The following GALNTL6 variants were observed in gnomAD, a reference collection of about 807,000 sequenced individuals.
The protein encoded by GALNTL6 is polypeptide N-acetylgalactosaminyltransferase like 6, also known as polypeptide N-acetylgalactosaminyltransferase-like 6.
Under a neutral mutation model 73.7 loss-of-function variants are expected in GALNTL6, and 46 were observed. That is an observed-to-expected ratio of 0.62 (90% CI 0.49 to 0.80). The LOEUF (loss-of-function observed/expected upper bound fraction) is 0.80, where lower values mean the gene tolerates loss of function less well. Among genes scored for constraint, GALNTL6 ranks in the 30% least tolerant of loss-of-function variants. GALNTL6 has a pLI of 0.00. For missense variants in GALNTL6, 604 were observed against 755.0 expected (o/e 0.80, Z 2.34); for synonymous variants, 259 against 263.7 (o/e 0.98, Z 0.17).
In GALNTL6 at chr4:172,088,327, A is replaced by G. The variant is rs570260783; in HGVS notation, c.139-141329A>G. Among the ~76,000 whole-genome samples the G allele has an allele frequency of 1.6e-4, 25 of 152,272 alleles. No individual in the cohort carries two copies. In the South Asian group the frequency reaches 5.2e-3, roughly 32 times the overall value. On this transcript the variant is annotated intron_variant, in intron 2 of 12. Coordinates refer to ENST00000506823, the MANE Select transcript of GALNTL6 (RefSeq NM_001034845.3). ...CATATTTATTACATGTGTAGGGGTGAAGGTTCACTGAAACTGAATAGACAA... is the reference window on the plus strand; with the variant it reads ...CATATTTATTACATGTGTAGGGGTGGAGGTTCACTGAAACTGAATAGACAA...
rs148182116 is a variant in GALNTL6 at position 173,016,458 on chromosome 4, C to T, written c.1489-5018C>T. Among the ~76,000 whole-genome samples the T allele has an allele frequency of 3.3e-3, 505 of 152,330 alleles. 3 individuals carry two copies. The highest frequency in any genetic ancestry group is 0.011 in the African/African-American group (455 of 41,582). Reference sequence around the variant, plus strand: ...TGTCCAAGGCCATGGAAGCCCACTTCTTGCATCAGCATAACCTGGATGTGA... The same window carrying T: ...TGTCCAAGGCCATGGAAGCCCACTTTTTGCATCAGCATAACCTGGATGTGA... On this transcript the variant is annotated intron_variant, in intron 11 of 12. Coordinates refer to ENST00000506823, the MANE Select transcript of GALNTL6 (RefSeq NM_001034845.3).
intron 2 of GALNTL6, among the ~76,000 whole-genome samples, chr4:172,117,864 G>GA (rs902809859): frequency 7.9e-5 from 12 of 151,892 alleles, no homozygotes; most frequent in African/African-American, 1.2e-4. Context: ...AAACTAAAAT[G>GA]AAAAAAACAA....
intron 2 of GALNTL6, among the ~76,000 whole-genome samples, chr4:172,176,046 A>T (rs1391297641): frequency 1.3e-5 from 2 of 152,208 alleles, no homozygotes; most frequent in African/African-American, 4.8e-5. Context: ...AGGACAAATA[A>T]GAGTGTATTC....
intron 2 of GALNTL6, among the ~76,000 whole-genome samples, chr4:172,225,868 T>C (rs953433698): frequency 6.6e-6 from 1 of 152,184 alleles, no homozygotes; most frequent in Non-Finnish European, 1.5e-5. Flanking sequence ...TGATACAGAT[T>C]AAAAAGTTAT....
chr4:172,217,313 G>T (rs907271287), intron 2 of GALNTL6, among the ~76,000 whole-genome samples: 2 of 152,172 alleles, frequency 1.3e-5, no homozygotes, highest in African/African-American at 4.8e-5. Context: ...ATAATGTTAC[G>T]CAGGAGTCAC....
chr4:172,302,312 T>C (rs2626623), intron 3 of GALNTL6, among the ~76,000 whole-genome samples: 150,944 of 152,234 alleles, frequency 0.99, 74,846 homozygotes, highest in Middle Eastern at 1. Context: ...ACCCCTTGAA[T>C]TTCCTGGGTG....
intron 5 of GALNTL6, among the ~76,000 whole-genome samples, chr4:172,676,759 C>T (rs977621391): frequency 1.3e-5 from 2 of 152,128 alleles, no homozygotes; most frequent in East Asian, 1.9e-4. Context: ...AGTCACTTTC[C>T]GATTTCTCCT....
intron 11 of GALNTL6, among the ~76,000 whole-genome samples, chr4:173,011,786 T>G (rs1296198623): frequency 1.3e-5 from 2 of 152,228 alleles, no homozygotes; most frequent in African/African-American, 4.8e-5. Flanking sequence ...TTAAGTGAGA[T>G]GTGATTTCTA....
intron 5 of GALNTL6, among the ~76,000 whole-genome samples, chr4:172,794,917 T>C (rs1579491727): frequency 6.6e-6 from 1 of 152,188 alleles, no homozygotes; most frequent in Non-Finnish European, 1.5e-5. Flanking sequence ...TGAAACAAAT[T>C]CCTGCCATTT....
At chr4:172,436,284 T>G (rs1731631963) in intron 5 of GALNTL6, among the ~76,000 whole-genome samples, 1 of 152,132 alleles carries the variant, frequency 6.6e-6, no homozygotes, top group South Asian at 2.1e-4. Context: ...TTTGACATAG[T>G]CAAAACCCTT....
At chr4:172,456,844 A>T (rs574892559) in intron 5 of GALNTL6, among the ~76,000 whole-genome samples, 25 of 152,266 alleles carry the variant, frequency 1.6e-4, no homozygotes, top group Non-Finnish European at 3.2e-4. Context: ...TTCAGGAAAT[A>T]CAGAGAACAC....
rs571617309 is a variant in GALNTL6, at chr4:172,293,456, GT to G, written c.248-18155del. On this transcript the variant is annotated intron_variant, in intron 3 of 12. Transcript: ENST00000506823. ...GACTCAATACAATGAAAAACCTCAA[GT>G]TTGAGAGAAGGATATTATTATTATT... 3.6e-3 allele frequency among the ~76,000 whole-genome samples: 537 copies of G among 150,144 alleles called. 2 individuals carry two copies. The highest frequency in any genetic ancestry group is 0.012 in the African/African-American group (498 of 40,726).
chr4:172,753,904 G>A (rs554369536), intron 5 of GALNTL6, among the ~76,000 whole-genome samples: 4 of 152,158 alleles, frequency 2.6e-5, no homozygotes, highest in African/African-American at 9.6e-5. Flanking sequence ...AGATGCCCAC[G>A]AGCAGCTCTG....
chr4:173,021,543 T>G lies in GALNTL6; in HGVS notation c.1556T>G (p.Phe519Cys). The part of the protein sequence containing the change: ...GEPLHTRKFC[F>C]DAISHNSPVT... ...CCACTGCATACCCGGAAATTCTGCT[T>G]TGATGCGATCTCACACAACAGCCCC... Residue 519 changes from phenylalanine (F) to cysteine (C), a missense_variant, in exon 12 of 13, where the codon TTT becomes TGT. Transcript: ENST00000506823. 6.2e-7 allele frequency: 1 copy of G among 1,614,176 alleles called. No individual in the cohort carries two copies. Among genetic ancestry groups the G allele is most frequent in the Non-Finnish European group, 8.5e-7 (1 of 1,180,008 alleles).
intron 2 of GALNTL6, among the ~76,000 whole-genome samples, chr4:171,835,255 A>C (rs1436218546): frequency 6.6e-6 from 1 of 151,934 alleles, no homozygotes. Flanking sequence ...GAAAAATGGA[A>C]AATTTGTTTC....
In GALNTL6 at chr4:173,016,429, G is replaced by C. The variant is rs143393934; in HGVS notation, c.1489-5047G>C. On this transcript the variant is annotated intron_variant, in intron 11 of 12. Transcript: ENST00000506823. ...TGAAACCTGTAAAGCCACAGGGGCA[G>C]AGCTGTCCAAGGCCATGGAAGCCCA... Among the ~76,000 whole-genome samples the C allele has an allele frequency of 3.1e-4, 47 of 152,362 alleles. No individual in the cohort carries two copies. In the East Asian group the frequency reaches 8.5e-3, roughly 28 times the overall value.
chr4:172,964,120 T>C (rs941460034), intron 10 of GALNTL6, among the ~76,000 whole-genome samples: 4 of 152,188 alleles, frequency 2.6e-5, no homozygotes, highest in African/African-American at 7.2e-5. Flanking sequence ...CCATGCTATG[T>C]TGGATAGGGT....
intron 5 of GALNTL6, among the ~76,000 whole-genome samples, chr4:172,514,702 C>T (rs1393680767): frequency 6.6e-6 from 1 of 152,196 alleles, no homozygotes; most frequent in Non-Finnish European, 1.5e-5. Flanking sequence ...TGGCAACGCT[C>T]CCCAAGGGCC....
At chr4:172,688,574 G>T (rs570390270) in intron 5 of GALNTL6, among the ~76,000 whole-genome samples, 1 of 152,220 alleles carries the variant, frequency 6.6e-6, no homozygotes, top group Non-Finnish European at 1.5e-5. Context: ...ATAGAGAGAT[G>T]GCATATATTC....
Sources: gnomAD v4.1 joint callset for allele counts (sites outside exome capture counted in the v4.1 genomes callset) on GRCh38, gnomAD v4.1.1 for gene constraint, MANE v1.5 for transcripts, NCBI Gene and HGNC (gene_info 2026-07-23, HGNC 2026-07-21) for gene names.